XIRP2: variants seen among roughly 807,000 people sequenced by gnomAD.
XIRP2 encodes xin actin-binding repeat-containing protein 2.
In XIRP2, 236 loss-of-function variants were observed where a neutral mutation model predicts 277.0. The observed-to-expected ratio is 0.85, with a 90% CI of 0.77 to 0.95. The LOEUF is 0.95. Among genes scored for constraint, XIRP2 ranks in the 40% least tolerant of loss-of-function variants. The probability of loss-of-function intolerance (pLI) is 0.00; values close to 1 mark genes in which losing one functional copy is unlikely to be tolerated. For synonymous variants in XIRP2, 1,490 were observed against 1,416.5 expected, an observed-to-expected ratio of 1.05 and a Z score of -1.17; for missense variants, 4,640 against 4,157.5, an observed-to-expected ratio of 1.12 and a Z score of -3.19.
chr2:167,258,859 T>C lies in XIRP2; in HGVS notation c.*1042T>C, dbSNP rs1479354027. The C allele has an allele frequency of 3.1e-6, 5 of 1,613,092 alleles. No individual in the cohort carries two copies. The Admixed American group carries it at 8.4e-5, about 27-fold the overall frequency. On this transcript the variant is annotated 3_prime_UTR_variant, in exon 11 of 11. Transcript: ENST00000409195. ...GTATATTTGAATCTGAAAAGACTTA[T>C]TCGAGGAATGTACTAGCAATGGCTC...
At chr2:166,947,533 A>G (rs1418091433) in intron 2 of XIRP2, among the ~76,000 whole-genome samples, 1 of 152,170 alleles carries the variant, frequency 6.6e-6, no homozygotes, top group African/African-American at 2.4e-5. Context: ...CATATTATTT[A>G]GTTTTGACAT....
At chr2:167,076,323 T>C (rs1689570917) in intron 2 of XIRP2, among the ~76,000 whole-genome samples, 1 of 152,202 alleles carries the variant, frequency 6.6e-6, no homozygotes, top group South Asian at 2.1e-4. Flanking sequence ...TCAATGCTAA[T>C]ACATCAAGCT....
At position 167,218,249 on chromosome 2, in the gene XIRP2, C is replaced by G. The variant is rs1240809262; in HGVS notation, c.807C>G (p.Ser269=). Residue 269 remains serine (S), a synonymous_variant, in exon 5 of 11, where the codon TCC becomes TCG. Transcript: ENST00000409195. ...AATTTGAGGACGAAATTACTTCTTC[C>G]CGTAATACCTTTGCTCAATACCAAT... ...KKQFEDEITS[S]RNTFAQYQYQ... 1 of 1,608,166 alleles carries G rather than the reference C, an allele frequency of 6.2e-7. No individual in the cohort carries two copies. Among genetic ancestry groups the G allele is most frequent in the East Asian group, 2.2e-5 (1 of 44,684 alleles).
intron 2 of XIRP2, among the ~76,000 whole-genome samples, chr2:167,074,530 G>T (rs1356161424): frequency 6.6e-6 from 1 of 151,868 alleles, no homozygotes; most frequent in Non-Finnish European, 1.5e-5. Context: ...TAAAACAATG[G>T]AACATATTAT....
intron 2 of XIRP2, among the ~76,000 whole-genome samples, chr2:167,064,939 T>TTGTG (rs1373307608): frequency 6.6e-6 from 1 of 151,950 alleles, no homozygotes; most frequent in East Asian, 1.9e-4. Context: ...CTTTTGGCTA[T>TTGTG]TGTGAATAAT....
chr2:167,007,133 C>T (rs1227545382), intron 2 of XIRP2, among the ~76,000 whole-genome samples: 1 of 151,482 alleles, frequency 6.6e-6, no homozygotes, highest in Admixed American at 6.6e-5. Flanking sequence ...TTCTATGTCT[C>T]TAAAAGAAGT....
At chr2:167,009,402 T>G (rs1687601088) in intron 2 of XIRP2, among the ~76,000 whole-genome samples, 1 of 152,014 alleles carries the variant, frequency 6.6e-6, no homozygotes, top group South Asian at 2.1e-4. Flanking sequence ...ACTCATCATT[T>G]TTTATGGCTG....
At chr2:166,986,842 G>A (rs1374864330) in intron 2 of XIRP2, among the ~76,000 whole-genome samples, 1 of 152,204 alleles carries the variant, frequency 6.6e-6, no homozygotes, top group African/African-American at 2.4e-5. Flanking sequence ...GTTGTCCTAA[G>A]ATTCTGACCT....
Position 167,135,919 on chromosome 2 carries a change from T to C in XIRP2, c.419T>C (p.Ile140Thr), listed in dbSNP as rs74698684. ...PAEYGGKEVE[I>T]ERSLCSPAFK... ...AATGTCTTGTAACAGGAAGTGGAAA[T>C]TGAGCGAAGTTTGTGCTCGCCAGCT... Residue 140 changes from isoleucine (I) to threonine (T), a missense_variant, in exon 3 of 11, where the codon ATT (isoleucine) becomes ACT (threonine). Coordinates refer to ENST00000409195, the MANE Select transcript of XIRP2 (RefSeq NM_152381.6). 608 of 1,598,560 alleles carry C rather than the reference T, an allele frequency of 3.8e-4. 7 individuals are homozygous for C. The East Asian group carries it at 0.012, about 32-fold the overall frequency.
At chr2:166,912,686 G>C (rs565316433) in intron 2 of XIRP2, among the ~76,000 whole-genome samples, 1 of 152,170 alleles carries the variant, frequency 6.6e-6, no homozygotes, top group African/African-American at 2.4e-5. Flanking sequence ...GAGGTGCTCT[G>C]AGTTTTAGAA....
intron 2 of XIRP2, among the ~76,000 whole-genome samples, chr2:166,912,684 C>G (rs1232649531): frequency 6.6e-6 from 1 of 152,174 alleles, no homozygotes; most frequent in Non-Finnish European, 1.5e-5. Context: ...GAGAGGTGCT[C>G]TGAGTTTTAG....
At chr2:167,107,670 ATTTTG>A (rs1190879462) in intron 2 of XIRP2, among the ~76,000 whole-genome samples, 1 of 151,120 alleles carries the variant, frequency 6.6e-6, no homozygotes, top group African/African-American at 2.4e-5. Context: ...TTTGGATTTT[ATTTTG>A]TTTTGTTTGT....
chr2:166,932,486 A>G (rs1178356775), intron 2 of XIRP2, among the ~76,000 whole-genome samples: 1 of 152,072 alleles, frequency 6.6e-6, no homozygotes, highest in Non-Finnish European at 1.5e-5. Flanking sequence ...AAGTGCTTGG[A>G]TTACAGGTAT....
At chr2:166,970,311 C>G (rs1346835721) in intron 2 of XIRP2, among the ~76,000 whole-genome samples, 1 of 151,916 alleles carries the variant, frequency 6.6e-6, no homozygotes, top group Non-Finnish European at 1.5e-5. Flanking sequence ...TTCTTTTATT[C>G]TTCCTTCTTG....
intron 3 of XIRP2, among the ~76,000 whole-genome samples, chr2:167,190,343 C>A (rs951706720): frequency 1.3e-5 from 2 of 152,074 alleles, no homozygotes; most frequent in Non-Finnish European, 2.9e-5. Flanking sequence ...ATTGTTTTTT[C>A]TGGCAACCAG....
intron 3 of XIRP2, among the ~76,000 whole-genome samples, chr2:167,201,742 TGAAGTCAATGTCTA>T (rs1693727967): frequency 1.3e-5 from 2 of 152,242 alleles, no homozygotes; most frequent in African/African-American, 2.4e-5. Context: ...TAGATTATGC[TGAAGTCAATGTCTA>T]GAAAGGATTT....
At chr2:167,096,679 G>A (rs1690327512) in intron 2 of XIRP2, among the ~76,000 whole-genome samples, 1 of 151,824 alleles carries the variant, frequency 6.6e-6, no homozygotes, top group Non-Finnish European at 1.5e-5. Context: ...TTCTCCTGTG[G>A]GCATTTATAT....
In XIRP2 at chr2:166,903,793, G is replaced by A. The variant is rs376609179; in HGVS notation, c.311G>A (p.Arg104Gln). The A allele has an allele frequency of 1.1e-5, 18 of 1,613,516 alleles. No individual in the cohort carries two copies. The highest frequency in any genetic ancestry group is 1.1e-4 in the African/African-American group (8 of 74,870). ...EVLKEDSLSS[R>Q]RRIERFSIAL... Reference sequence around the variant, plus strand: ...CTGAAGGAGGATTCCCTGAGCAGTCGGCGCAGGATTGAACGCTTTTCCATT... The same window carrying A: ...CTGAAGGAGGATTCCCTGAGCAGTCAGCGCAGGATTGAACGCTTTTCCATT... Residue 104 changes from arginine (R) to glutamine (Q), a missense_variant, in exon 2 of 11, where the codon CGG becomes CAG. Arg to Gln is a conservative substitution (Grantham distance 43). Coordinates refer to ENST00000409195, the MANE Select transcript of XIRP2 (RefSeq NM_152381.6).
At chr2:167,084,244 T>G (rs559382843) in intron 2 of XIRP2, among the ~76,000 whole-genome samples, 55 of 152,310 alleles carry the variant, frequency 3.6e-4, no homozygotes, top group South Asian at 6.2e-4. Context: ...GGATTACATT[T>G]ATTGATTTGC....
Sources: gnomAD v4.1 joint callset for allele counts (sites outside exome capture counted in the v4.1 genomes callset) on GRCh38, gnomAD v4.1.1 for gene constraint, MANE v1.5 for transcripts, NCBI Gene and HGNC (gene_info 2026-07-23, HGNC 2026-07-21) for gene names.